Variants in KCNH7 observed in about 807,000 individuals in gnomAD.
KCNH7 encodes the protein voltage-gated inwardly rectifying potassium channel KCNH7.
A neutral mutation model predicts 120.8 loss-of-function variants in KCNH7; 49 were observed. That is an observed-to-expected ratio of 0.41 (90% confidence interval 0.32 to 0.51). The LOEUF (loss-of-function observed/expected upper bound fraction) is 0.51. Ranked by LOEUF, KCNH7 falls within the 20% of genes least tolerant of loss-of-function variation. KCNH7 has a pLI of 0.38. For synonymous variants in KCNH7, 547 were observed against 516.1 expected (o/e 1.06, Z -0.81); for missense variants, 1,097 against 1,446.6 (o/e 0.76, Z 3.92).
chr2:162,718,453 C>G (rs1687209739), intron 2 of KCNH7, among the ~76,000 whole-genome samples: 1 of 151,928 alleles, frequency 6.6e-6, no homozygotes, highest in African/African-American at 2.4e-5. Context: ...TGAGAGTAGA[C>G]TTGGTTTAGG....
At chr2:162,832,174 C>A (rs1022220422) in intron 2 of KCNH7, among the ~76,000 whole-genome samples, 2 of 152,048 alleles carry the variant, frequency 1.3e-5, no homozygotes, top group Non-Finnish European at 2.9e-5. Context: ...AACACCCAAG[C>A]AAACTCTAGG....
chr2:162,553,693 TG>T (rs1376851935), intron 2 of KCNH7, among the ~76,000 whole-genome samples: 244 of 152,140 alleles, frequency 1.6e-3, no homozygotes, highest in Non-Finnish European at 6.2e-4. Context: ...GTCTGAGCAT[TG>T]TCAGGAAGGG....
intron 2 of KCNH7, among the ~76,000 whole-genome samples, chr2:162,658,400 A>G (rs1445227610): frequency 6.6e-6 from 1 of 152,092 alleles, no homozygotes; most frequent in Non-Finnish European, 1.5e-5. Flanking sequence ...ATAGCCTTAC[A>G]GTATGTCTTA....
intron 2 of KCNH7, among the ~76,000 whole-genome samples, chr2:162,748,836 CT>C (rs1401348540): frequency 9.6e-6 from 1 of 104,284 alleles, no homozygotes; most frequent in African/African-American, 4.8e-5. Context: ...CCCTCCCCTC[CT>C]CTCCCCTCCC....
chr2:162,583,399 C>G (rs938762230), intron 2 of KCNH7, among the ~76,000 whole-genome samples: 2 of 152,066 alleles, frequency 1.3e-5, no homozygotes, highest in Non-Finnish European at 2.9e-5. Context: ...TATATAATTA[C>G]ATTTTCTCCA....
intron 2 of KCNH7, among the ~76,000 whole-genome samples, chr2:162,595,127 A>G (rs1207317978): frequency 6.6e-6 from 1 of 152,036 alleles, no homozygotes; most frequent in African/African-American, 2.4e-5. Context: ...TTTGATTCAT[A>G]ATGAAAGAAG....
At position 162,547,846 on chromosome 2, in the gene KCNH7, C is replaced by T. The variant is rs781570208; in HGVS notation, c.308-10766G>A. 7.9e-5 allele frequency among the ~76,000 whole-genome samples: 12 copies of T among 152,232 alleles called. No homozygotes were observed. In the East Asian group the frequency reaches 9.7e-4, roughly 12 times the overall value. On this transcript the variant is annotated intron_variant, in intron 2 of 15. Coordinates refer to ENST00000332142, the MANE Select transcript of KCNH7 (RefSeq NM_033272.4). Reference sequence around the variant, plus strand: ...CTACTGCAGCCAACACAGGAAAAGGCGTGTTTTAAGACAACAAACAAATTA... The same window carrying T: ...CTACTGCAGCCAACACAGGAAAAGGTGTGTTTTAAGACAACAAACAAATTA...
At chr2:162,735,752 C>G (rs1574322216) in intron 2 of KCNH7, among the ~76,000 whole-genome samples, 1 of 152,266 alleles carries the variant, frequency 6.6e-6, no homozygotes, top group African/African-American at 2.4e-5. Flanking sequence ...TTGAGAAATA[C>G]CTCTTATCCT....
chr2:162,394,420 CCTT>C lies in KCNH7; in HGVS notation c.2676_2678del (p.Arg893del), dbSNP rs372653831. ...CTCCTTCACTTTCAAATGACAATTT[CCTT>C]CTTCTTAGTTTACAGTTGTCTCCTT... On this transcript the variant is annotated inframe_deletion, in exon 12 of 16. Coordinates refer to ENST00000332142, the MANE Select transcript of KCNH7 (RefSeq NM_033272.4). 900 of 1,603,290 alleles carry C rather than the reference CCTT, an allele frequency of 5.6e-4. 2 individuals carry two copies. The African/African-American group carries it at 0.011, about 19-fold the overall frequency.
intron 2 of KCNH7, among the ~76,000 whole-genome samples, chr2:162,729,162 A>ATTTTTT (rs1412794660): frequency 8.3e-6 from 1 of 119,878 alleles, no homozygotes; most frequent in African/African-American, 3.3e-5. Flanking sequence ...ATATACCCAA[A>ATTTTTT]TTTTTTTTTT....
intron 14 of KCNH7, among the ~76,000 whole-genome samples, chr2:162,376,375 T>G (rs986566549): frequency 2.6e-5 from 4 of 151,894 alleles, no homozygotes; most frequent in Non-Finnish European, 4.4e-5. Context: ...TTTGTTTTTT[T>G]TTTTTTTTTA....
chr2:162,676,798 T>C (rs1169643474), intron 2 of KCNH7, among the ~76,000 whole-genome samples: 1 of 151,446 alleles, frequency 6.6e-6, no homozygotes, highest in Non-Finnish European at 1.5e-5. Flanking sequence ...CTTTCTCTAT[T>C]CTGTACTACC....
At chr2:162,601,901 T>C (rs1314887698) in intron 2 of KCNH7, among the ~76,000 whole-genome samples, 2 of 152,062 alleles carry the variant, frequency 1.3e-5, no homozygotes, top group African/African-American at 4.8e-5. Context: ...AGAATAAAAG[T>C]GAAAGTAGTT....
intron 3 of KCNH7, among the ~76,000 whole-genome samples, chr2:162,524,052 C>A (rs1326252298): frequency 6.6e-6 from 1 of 151,842 alleles, no homozygotes; most frequent in Admixed American, 6.6e-5. Context: ...TGTCCCCTCA[C>A]AAAGGGTTGG....
At chr2:162,695,349 A>G (rs1686253203) in intron 2 of KCNH7, among the ~76,000 whole-genome samples, 1 of 152,162 alleles carries the variant, frequency 6.6e-6, no homozygotes, top group Admixed American at 6.6e-5. Context: ...GCAGCAGCAC[A>G]TAGTTTTCAA....
intron 2 of KCNH7, among the ~76,000 whole-genome samples, chr2:162,826,133 G>A (rs1191752823): frequency 6.6e-6 from 1 of 151,984 alleles, no homozygotes; most frequent in Admixed American, 6.6e-5. Flanking sequence ...ATGACCCAAG[G>A]TTTGGAAAAA....
At position 162,741,342 on chromosome 2, in the gene KCNH7, T is replaced by TACAC. The variant is rs1159013381; in HGVS notation, c.307+95194_307+95195insGTGT. 1.6e-3 allele frequency among the ~76,000 whole-genome samples: 237 copies of TACAC among 150,032 alleles called. 1 individual carries two copies. Among genetic ancestry groups the TACAC allele is most frequent in the East Asian group, 6.7e-3 (34 of 5,072 alleles). The stretch of plus-strand genomic sequence containing the variant: ...CATATTAATAACATATGTTATTAAT[T>TACAC]ATACATATTAATAACATGCTATTTT... On this transcript the variant is annotated intron_variant, in intron 2 of 15. Coordinates refer to ENST00000332142, the MANE Select transcript of KCNH7 (RefSeq NM_033272.4).
chr2:162,445,955 TA>T, intron 7 of KCNH7, 62 bp downstream of exon 7: 1 of 1,325,502 alleles, frequency 7.5e-7, no homozygotes, highest in Non-Finnish European at 1.0e-6. Flanking sequence ...TTTTTGCAGT[TA>T]AAATAGATTC....
In KCNH7 at chr2:162,643,660, G is replaced by A. The variant is rs138031434; in HGVS notation, c.308-106580C>T. 2.7e-3 allele frequency among the ~76,000 whole-genome samples: 406 copies of A among 151,978 alleles called. 4 individuals carry two copies. Among genetic ancestry groups the A allele is most frequent in the African/African-American group, 9.1e-3 (379 of 41,464 alleles). On this transcript the variant is annotated intron_variant, in intron 2 of 15. Transcript: ENST00000332142. ...CGTCTCTACTAAATACAAAAAATCA[G>A]CCAGGCATGGCGGCGCACACCTGTA...
Sources: gnomAD v4.1 joint callset for allele counts (sites outside exome capture counted in the v4.1 genomes callset) on GRCh38, gnomAD v4.1.1 for gene constraint, MANE v1.5 for transcripts, NCBI Gene and HGNC (gene_info 2026-07-23, HGNC 2026-07-21) for gene names.